The following PLEKHA8 variants were observed in gnomAD, a reference collection of about 807,000 sequenced individuals.
PLEKHA8 encodes the protein pleckstrin homology domain-containing family A member 8.
PLEKHA8 carries 36 observed loss-of-function variants against 68.2 expected under a neutral mutation model. The observed-to-expected ratio is 0.53, with a 90% CI of 0.40 to 0.70. PLEKHA8 has a LOEUF of 0.70. PLEKHA8 is among the 30% of genes least tolerant of loss of function. PLEKHA8 has a pLI of 0.00. For missense variants in PLEKHA8, 505 were observed against 615.4 expected (o/e 0.82, Z 1.90); for synonymous variants, 211 against 216.1 (o/e 0.98, Z 0.20).
intron 9 of PLEKHA8, among the ~76,000 whole-genome samples, chr7:30,058,838 C>T (rs1242075704): frequency 6.6e-6 from 1 of 152,210 alleles, no homozygotes; most frequent in African/African-American, 2.4e-5. Context: ...TCTTAAACAA[C>T]ATCGAAGGCT....
intron 13 of PLEKHA8, among the ~76,000 whole-genome samples, chr7:30,074,702 G>A (rs773989516): frequency 6.6e-6 from 1 of 151,536 alleles, no homozygotes; most frequent in African/African-American, 2.4e-5. Flanking sequence ...ATTGAATTTT[G>A]TCCTTGAATA....
Position 30,055,321 on chromosome 7 carries a change from T to C in PLEKHA8, c.1018T>C (p.Tyr340His). ...CACAGAAGCATTCTTGGCATCATGT[T>C]ATGCTGTGGTTCCAGTATTAGGTAA... ...IPTEAFLASC[Y>H]AVVPVLDKLG... Residue 340 changes from tyrosine to histidine, a missense_variant, in exon 9 of 14, where the codon TAT (tyrosine) becomes CAT (histidine). Tyr to His is a moderately conservative substitution (Grantham distance 83). Coordinates refer to ENST00000449726, the MANE Select transcript of PLEKHA8 (RefSeq NM_001197026.2). 1 of 1,614,120 alleles carries C rather than the reference T, an allele frequency of 6.2e-7. No individual in the cohort carries two copies. The highest frequency in any genetic ancestry group is 8.5e-7 in the Non-Finnish European group (1 of 1,179,972).
chr7:30,085,239 C>A (rs534542923), downstream of PLEKHA8, among the ~76,000 whole-genome samples: 25 of 152,256 alleles, frequency 1.6e-4, no homozygotes, highest in Admixed American at 1.4e-3. Context: ...TGCCCAGCCC[C>A]AAGCTCCAAA....
At chr7:30,100,198 G>A (rs192175073) in intron 13 of PLEKHA8, among the ~76,000 whole-genome samples, 7 of 152,174 alleles carry the variant, frequency 4.6e-5, no homozygotes, top group African/African-American at 9.6e-5. Flanking sequence ...GACTATATCC[G>A]TAAAGATCCT....
intron 13 of PLEKHA8, among the ~76,000 whole-genome samples, chr7:30,106,350 C>T (rs942997294): frequency 6.6e-6 from 1 of 152,154 alleles, no homozygotes; most frequent in Non-Finnish European, 1.5e-5. Context: ...AGACATGAGC[C>T]ACCATGCCTG....
At chr7:30,096,868 A>G (rs916466230) in intron 13 of PLEKHA8, among the ~76,000 whole-genome samples, 5 of 152,150 alleles carry the variant, frequency 3.3e-5, no homozygotes, top group African/African-American at 1.2e-4. Flanking sequence ...TCCTGTCATT[A>G]TGATGTTAGC....
At chr7:30,054,575 ATGTATATGTGAATAG>A in intron 7 of PLEKHA8, 119 bp from the exon 8 acceptor site, 1 of 519,006 alleles carries the variant, frequency 1.9e-6, no homozygotes. Context: ...ATGTATGTTT[ATGTATATGTGAATAG>A]TGTTTCATGA....
At position 30,084,220 on chromosome 7, in the gene PLEKHA8, T is replaced by C; in HGVS notation, c.*5433T>C. ...AAGGCTAAAATGTACATAGATTTCC[T>C]TGGATTAATTTTTAAGTCACTGTTT... On this transcript the variant is annotated 3_prime_UTR_variant, in exon 14 of 14. Transcript: ENST00000449726. 1 of 985,286 alleles carries C rather than the reference T, an allele frequency of 1.0e-6. No individual in the cohort carries two copies. Among genetic ancestry groups the C allele is most frequent in the Non-Finnish European group, 1.2e-6 (1 of 829,764 alleles). The allele number at this position is 985,286 out of a possible 1,614,324, so 61.0% of individuals were successfully genotyped here.
chr7:30,084,581 T>C lies in PLEKHA8; in HGVS notation c.*5794T>C. The C allele has an allele frequency of 1.0e-6, 1 of 981,278 alleles. No individual in the cohort carries two copies. Among genetic ancestry groups the C allele is most frequent in the Non-Finnish European group, 1.2e-6 (1 of 826,142 alleles). The allele number at this position is 981,278 out of a possible 1,614,324, so 60.8% of individuals were successfully genotyped here. A position where few individuals can be genotyped will look rare whatever the true frequency, so the allele number is the denominator to read the frequency against. ...GTGACAGGGGAGGGTTTTACTTTTTTTGCAAAAATGTTTGAAAATATCTGT... is the reference window on the plus strand; with the variant it reads ...GTGACAGGGGAGGGTTTTACTTTTTCTGCAAAAATGTTTGAAAATATCTGT... On this transcript the variant is annotated 3_prime_UTR_variant, in exon 14 of 14. Transcript: ENST00000449726.
intron 13 of PLEKHA8, chr7:30,118,159 G>A: frequency 1.5e-6 from 1 of 654,978 alleles, no homozygotes; most frequent in Non-Finnish European, 2.3e-6. Flanking sequence ...GCCCCGAGAT[G>A]CCTCCTGGAG....
rs772377449 is a variant in PLEKHA8, at chr7:30,049,220, G to A, written c.439-4G>A. On this transcript the variant is annotated splice_region_variant and splice_polypyrimidine_tract_variant and intron_variant, in intron 4 of 13. Transcript: ENST00000449726. ...AGGAGTCTTCCACTCTGGTTGTTTC[G>A]TAGGAGGGAATTGATGTGGGAACTT... is the stretch of plus-strand genomic sequence containing the variant. 7 of 1,613,504 alleles carry A rather than the reference G, an allele frequency of 4.3e-6. No homozygotes were observed. The highest frequency in any genetic ancestry group is 5.1e-6 in the Non-Finnish European group (6 of 1,179,952).
Position 30,082,691 on chromosome 7 carries a change from A to C in PLEKHA8, c.*3904A>C. On this transcript the variant is annotated 3_prime_UTR_variant, in exon 14 of 14. Coordinates refer to ENST00000449726, the MANE Select transcript of PLEKHA8 (RefSeq NM_001197026.2). ...AATATGTGATAGGGACCAAATAAGT[A>C]AAGTACATTTTTCTCCACTAAATTT... The C allele has an allele frequency of 2.0e-6, 2 of 985,074 alleles. No homozygotes were observed. The highest frequency in any genetic ancestry group is 2.4e-6 in the Non-Finnish European group (2 of 829,582). The allele number at this position is 985,074 out of a possible 1,614,324, so 61.0% of individuals were successfully genotyped here.
intron 13 of PLEKHA8, among the ~76,000 whole-genome samples, chr7:30,115,687 T>C (rs111162203): frequency 1.3e-3 from 197 of 150,012 alleles, no homozygotes; most frequent in African/African-American, 4.8e-3. Flanking sequence ...CGCACATACA[T>C]GCATACACGT....
chr7:30,082,276 T>G lies in PLEKHA8; in HGVS notation c.*3489T>G. The G allele has an allele frequency of 4.1e-6, 4 of 985,528 alleles. No homozygotes were observed. The highest frequency in any genetic ancestry group is 4.8e-6 in the Non-Finnish European group (4 of 829,986). The allele number at this position is 985,528 out of a possible 1,614,324, so 61.0% of individuals were successfully genotyped here. ...AGCGTTGTTGCTTTTCTCTCTTCTT[T>G]GCTACTGAAAATTGCCAGCAGTACC... is the stretch of plus-strand genomic sequence containing the variant. On this transcript the variant is annotated 3_prime_UTR_variant, in exon 14 of 14. Transcript: ENST00000449726.
In PLEKHA8 at chr7:30,084,013, A is replaced by G. The variant is rs1241903418; in HGVS notation, c.*5226A>G. 14 of 985,330 alleles carry G rather than the reference A, an allele frequency of 1.4e-5. No homozygotes were observed. Among genetic ancestry groups the G allele is most frequent in the South Asian group, 4.7e-5 (1 of 21,296 alleles). The allele number at this position is 985,330 out of a possible 1,614,324, so 61.0% of individuals were successfully genotyped here. A position where few individuals can be genotyped will look rare whatever the true frequency, so the allele number is the denominator to read the frequency against. On this transcript the variant is annotated 3_prime_UTR_variant, in exon 14 of 14. Transcript: ENST00000449726. ...GCCAGTTCCATGGCATGTTTAATGT[A>G]TAATTCCCATGTATCATGAGAATTT...
intron 9 of PLEKHA8, among the ~76,000 whole-genome samples, chr7:30,056,783 GTGTATA>G (rs1312733038): frequency 1.8e-4 from 15 of 83,288 alleles, no homozygotes; most frequent in African/African-American, 2.7e-4. Context: ...GTGTGTGTGT[GTGTATA>G]TATATATGTT....
At chr7:30,102,435 AAAT>A (rs1326491870) in intron 13 of PLEKHA8, among the ~76,000 whole-genome samples, 2 of 152,368 alleles carry the variant, frequency 1.3e-5, no homozygotes, top group Non-Finnish European at 2.9e-5. Context: ...AGACTCGAGG[AAAT>A]TAAAAGCAGA....
At chr7:30,115,807 C>CGTGT (rs1796460452) in intron 13 of PLEKHA8, 1 of 137,300 alleles carries the variant, frequency 7.3e-6, no homozygotes, top group African/African-American at 2.9e-5. Context: ...CATGTATACA[C>CGTGT]GCATGCATGT....
At chr7:30,099,915 C>T (rs975278470) in intron 13 of PLEKHA8, among the ~76,000 whole-genome samples, 5 of 152,198 alleles carry the variant, frequency 3.3e-5, no homozygotes, top group African/African-American at 1.2e-4. Flanking sequence ...GAAATGTATC[C>T]TCTCATAGTT....
Sources: gnomAD v4.1 joint callset for allele counts (sites outside exome capture counted in the v4.1 genomes callset) on GRCh38, gnomAD v4.1.1 for gene constraint, MANE v1.5 for transcripts, NCBI Gene and HGNC (gene_info 2026-07-23, HGNC 2026-07-21) for gene names.